Variants in RABGAP1L observed in about 807,000 individuals in gnomAD.
RABGAP1L encodes the protein RAB GTPase activating protein 1 like.
A neutral mutation model predicts 137.7 loss-of-function variants in RABGAP1L; 63 were observed. The observed-to-expected ratio is 0.46, with a 90% CI of 0.37 to 0.56. RABGAP1L has a LOEUF of 0.56. RABGAP1L is among the 20% of genes least tolerant of loss of function. The pLI is 0.00. For missense variants in RABGAP1L, 1,095 were observed against 1,244.0 expected, an observed-to-expected ratio of 0.88 and a Z score of 1.80; for synonymous variants, 431 against 433.7, an observed-to-expected ratio of 0.99 and a Z score of 0.08.
intron 19 of RABGAP1L, among the ~76,000 whole-genome samples, chr1:174,904,893 C>T (rs1265199086): frequency 1.3e-5 from 2 of 152,166 alleles, no homozygotes; most frequent in African/African-American, 2.4e-5. Flanking sequence ...CACAAGGTAT[C>T]CTCCTACCTC....
intron 19 of RABGAP1L, among the ~76,000 whole-genome samples, chr1:174,824,178 T>C (rs1252829539): frequency 6.6e-6 from 1 of 152,008 alleles, no homozygotes; most frequent in Non-Finnish European, 1.5e-5. Flanking sequence ...TAATCCCAGC[T>C]ACTAGGGAGG....
intron 11 of RABGAP1L, among the ~76,000 whole-genome samples, chr1:174,366,311 A>C (rs1321550171): frequency 6.6e-6 from 1 of 152,196 alleles, no homozygotes; most frequent in African/African-American, 2.4e-5. Context: ...CCTTCAAGTT[A>C]CTACTTCCTC....
In RABGAP1L at chr1:174,670,103, A is replaced by T. The variant is rs141161621; in HGVS notation, c.1825-13419A>T. Reference sequence around the variant, plus strand: ...GCATTTTAACAATATTAATTTTTTCAGTCCATGAACATGGGATATCTTTCC... The same window carrying T: ...GCATTTTAACAATATTAATTTTTTCTGTCCATGAACATGGGATATCTTTCC... On this transcript the variant is annotated intron_variant, in intron 14 of 25. Transcript: ENST00000681986. Among the ~76,000 whole-genome samples, 18 of 152,260 alleles carry T rather than the reference A, an allele frequency of 1.2e-4. No individual in the cohort carries two copies. In the East Asian group the frequency reaches 3.5e-3, roughly 29 times the overall value.
At chr1:174,515,640 G>A (rs1460703736) in intron 13 of RABGAP1L, among the ~76,000 whole-genome samples, 2 of 151,974 alleles carry the variant, frequency 1.3e-5, no homozygotes, top group Non-Finnish European at 2.9e-5. Context: ...CCATACTTAC[G>A]TGTTTCATTG....
chr1:174,292,274 C>T (rs1395582384), intron 10 of RABGAP1L, among the ~76,000 whole-genome samples: 3 of 148,514 alleles, frequency 2.0e-5, no homozygotes, highest in Non-Finnish European at 4.4e-5. Context: ...AGTTCTCCTG[C>T]CTTGGCCTCC....
At chr1:174,558,066 G>A (rs1336034210) in intron 13 of RABGAP1L, among the ~76,000 whole-genome samples, 1 of 152,222 alleles carries the variant, frequency 6.6e-6, no homozygotes, top group Non-Finnish European at 1.5e-5. Flanking sequence ...AATGGGATAA[G>A]GAAAACATTC....
rs1005839617 is a variant in RABGAP1L at position 174,683,720 on chromosome 1, T to A, written c.1899+124T>A. 9.3e-6 allele frequency: 6 copies of A among 645,034 alleles called. No homozygotes were observed. The South Asian group carries it at 1.0e-4, about 11-fold the overall frequency. 40.0% of individuals were successfully genotyped at this position (645,034 alleles called of 1,614,324 possible). A position where few individuals can be genotyped will look rare whatever the true frequency, so the allele number is the denominator to read the frequency against. ...GAGATTACATATGGCATATCTTTTT[T>A]AAAATGTACGTTAGGTGATAAAGTA... On this transcript the variant is annotated intron_variant, in intron 15 of 25. Coordinates refer to ENST00000681986, the MANE Select transcript of RABGAP1L (RefSeq NM_001366446.1).
At chr1:174,680,671 G>A (rs1450837131) in intron 14 of RABGAP1L, among the ~76,000 whole-genome samples, 3 of 151,946 alleles carry the variant, frequency 2.0e-5, no homozygotes, top group Non-Finnish European at 2.9e-5. Context: ...TGAGGTGGGC[G>A]GATCACTTGA....
intron 13 of RABGAP1L, among the ~76,000 whole-genome samples, chr1:174,564,924 C>A (rs955955839): frequency 1.3e-5 from 2 of 150,642 alleles, no homozygotes; most frequent in South Asian, 2.1e-4. Context: ...ACAACTCCCC[C>A]CTGCCCGAAA....
intron 19 of RABGAP1L, among the ~76,000 whole-genome samples, chr1:174,838,071 C>G (rs1234483314): frequency 1.3e-5 from 2 of 152,184 alleles, no homozygotes; most frequent in Non-Finnish European, 2.9e-5. Context: ...AAGTTTCTAG[C>G]TGGCCAGGCT....
chr1:174,335,889 A>T (rs1681427015), intron 11 of RABGAP1L, among the ~76,000 whole-genome samples: 1 of 152,192 alleles, frequency 6.6e-6, no homozygotes, highest in African/African-American at 2.4e-5. Context: ...CTGAGAGATG[A>T]CAAAATAATT....
intron 22 of RABGAP1L, among the ~76,000 whole-genome samples, chr1:174,976,689 C>T (rs954215913): frequency 6.6e-6 from 1 of 152,202 alleles, no homozygotes; most frequent in Non-Finnish European, 1.5e-5. Flanking sequence ...GCTTTCAAAC[C>T]TATTTCCTGG....
At chr1:174,511,834 GT>G (rs1428322550) in intron 13 of RABGAP1L, among the ~76,000 whole-genome samples, 8 of 151,966 alleles carry the variant, frequency 5.3e-5, no homozygotes. Context: ...GTTGAGGCTG[GT>G]CACGAACTCC....
intron 19 of RABGAP1L, among the ~76,000 whole-genome samples, chr1:174,832,167 C>T (rs1692173681): frequency 6.8e-6 from 1 of 146,578 alleles, no homozygotes; most frequent in African/African-American, 2.5e-5. Context: ...GTGTCAGGCA[C>T]CTGTAATCCC....
chr1:174,589,864 C>A (rs1408583979), intron 13 of RABGAP1L, among the ~76,000 whole-genome samples: 1 of 152,032 alleles, frequency 6.6e-6, no homozygotes, highest in African/African-American at 2.4e-5. Flanking sequence ...TGCAGTAGCT[C>A]TGTAGTATAA....
At chr1:174,838,268 C>T (rs1235409049) in intron 19 of RABGAP1L, among the ~76,000 whole-genome samples, 1 of 152,180 alleles carries the variant, frequency 6.6e-6, no homozygotes, top group African/African-American at 2.4e-5. Context: ...CTGAGGAAAG[C>T]TTAACAATTA....
intron 14 of RABGAP1L, among the ~76,000 whole-genome samples, chr1:174,666,221 G>A (rs1199526330): frequency 2.0e-5 from 3 of 152,222 alleles, no homozygotes; most frequent in Admixed American, 1.3e-4. Flanking sequence ...TGCCAAAAAT[G>A]ATAATCCAAA....
intron 19 of RABGAP1L, among the ~76,000 whole-genome samples, chr1:174,863,864 T>C (rs1246745883): frequency 2.9e-5 from 4 of 137,878 alleles, no homozygotes; most frequent in Admixed American, 7.3e-5. Context: ...CCTATAATCC[T>C]AGCTACTCGG....
At chr1:174,354,859 A>G (rs1315887355) in intron 11 of RABGAP1L, among the ~76,000 whole-genome samples, 1 of 152,246 alleles carries the variant, frequency 6.6e-6, no homozygotes, top group Non-Finnish European at 1.5e-5. Flanking sequence ...GAAGGGATCC[A>G]GTTTCAACTT....
Sources: allele counts gnomAD v4.1 joint callset (sites outside exome capture counted in the v4.1 genomes callset), GRCh38; gene constraint gnomAD v4.1.1; transcripts MANE v1.5; gene names NCBI Gene and HGNC (gene_info 2026-07-23, HGNC 2026-07-21).